The following PIP4K2A variants were observed in gnomAD, a reference collection of about 807,000 sequenced individuals.
PIP4K2A encodes phosphatidylinositol 5-phosphate 4-kinase type-2 alpha.
Under a neutral mutation model 42.9 loss-of-function variants are expected in PIP4K2A, and 14 were observed. The observed-to-expected ratio is 0.33, with a 90% CI of 0.22 to 0.51. The LOEUF (loss-of-function observed/expected upper bound fraction) is 0.51, where lower values mean the gene tolerates loss of function less well. PIP4K2A is among the 20% of genes least tolerant of loss of function. The pLI is 0.97. For synonymous variants in PIP4K2A, 192 were observed against 192.2 expected (o/e 1.00, Z 0.01); for missense variants, 434 against 519.8 (o/e 0.83, Z 1.61).
chr10:22,586,163 A>G (rs1277729174), intron 4 of PIP4K2A, among the ~76,000 whole-genome samples: 2 of 152,234 alleles, frequency 1.3e-5, no homozygotes, highest in Non-Finnish European at 1.5e-5. Context: ...TATTTTCCCA[A>G]CTACAAGAGA....
At chr10:22,619,274 G>C (rs1838256615) in intron 1 of PIP4K2A, among the ~76,000 whole-genome samples, 2 of 152,118 alleles carry the variant, frequency 1.3e-5, no homozygotes, top group South Asian at 4.1e-4. Context: ...CAATTTGAAA[G>C]TTCTGAGGTT....
chr10:22,607,145 C>T (rs1048323476), intron 3 of PIP4K2A, among the ~76,000 whole-genome samples: 1 of 152,106 alleles, frequency 6.6e-6, no homozygotes, highest in African/African-American at 2.4e-5. Flanking sequence ...CCTTGGATTT[C>T]CACTTTTAAA....
At chr10:22,565,128 T>TGG (rs1301410890) in intron 6 of PIP4K2A, among the ~76,000 whole-genome samples, 1 of 152,198 alleles carries the variant, frequency 6.6e-6, no homozygotes, top group Non-Finnish European at 1.5e-5. Flanking sequence ...GTTCTAGACA[T>TGG]GCTTCTCTTC....
chr10:22,579,673 G>T (rs1236151101), intron 4 of PIP4K2A, among the ~76,000 whole-genome samples: 1 of 152,030 alleles, frequency 6.6e-6, no homozygotes, highest in Non-Finnish European at 1.5e-5. Context: ...TGGGAGGCAG[G>T]GGAGGGTGGA....
At chr10:22,687,827 T>C (rs1391925935) in intron 1 of PIP4K2A, among the ~76,000 whole-genome samples, 1 of 152,244 alleles carries the variant, frequency 6.6e-6, no homozygotes, top group African/African-American at 2.4e-5. Flanking sequence ...TACATTATTA[T>C]TTGTTTTTCT....
chr10:22,678,140 T>A (rs898975400), intron 1 of PIP4K2A, among the ~76,000 whole-genome samples: 1 of 150,234 alleles, frequency 6.7e-6, no homozygotes, highest in Admixed American at 6.6e-5. Flanking sequence ...TGCTGGACTT[T>A]AAAAAAAAAA....
intron 1 of PIP4K2A, among the ~76,000 whole-genome samples, chr10:22,706,084 G>A (rs1275542024): frequency 6.6e-6 from 1 of 151,926 alleles, no homozygotes; most frequent in Admixed American, 6.6e-5. Context: ...AATACGATGG[G>A]GAAAACTGCC....
In PIP4K2A at chr10:22,627,630, A is replaced by AAAAAAAG. The variant is rs1346625282; in HGVS notation, c.145-17914_145-17913insCTTTTTT. Among the ~76,000 whole-genome samples the AAAAAAAG allele has an allele frequency of 2.1e-4, 25 of 118,168 alleles. 1 individual carries two copies. The highest frequency in any genetic ancestry group is 4.4e-4 in the Non-Finnish European group (24 of 55,164). 77.5% of individuals were successfully genotyped at this position (118,168 alleles called of 152,430 possible). On this transcript the variant is annotated intron_variant, in intron 1 of 9. Coordinates refer to ENST00000376573, the MANE Select transcript of PIP4K2A (RefSeq NM_005028.5). ...AAAAAAAAAAAAAAAAAAAAAAAAAAAGATAAGGAAAGCCACTGGCTGTGG... is the reference window on the plus strand; with the variant it reads ...AAAAAAAAAAAAAAAAAAAAAAAAAAAAAAAAGAGATAAGGAAAGCCACTGGCTGTGG...
chr10:22,688,484 C>T (rs1423074367), intron 1 of PIP4K2A, among the ~76,000 whole-genome samples: 1 of 152,168 alleles, frequency 6.6e-6, no homozygotes. Flanking sequence ...ACAGGGTCTT[C>T]CTCTGTCGCC....
intron 1 of PIP4K2A, among the ~76,000 whole-genome samples, chr10:22,635,411 TA>T (rs529725756): frequency 4.6e-5 from 7 of 152,032 alleles, no homozygotes; most frequent in South Asian, 2.1e-4. Flanking sequence ...AAAACTTCTG[TA>T]AAAAAATAAT....
intron 1 of PIP4K2A, among the ~76,000 whole-genome samples, chr10:22,619,691 C>T (rs1330296899): frequency 6.6e-6 from 1 of 152,148 alleles, no homozygotes; most frequent in African/African-American, 2.4e-5. Flanking sequence ...CCCGCGTTGG[C>T]CTCCCAAAGT....
At chr10:22,547,273 C>G (rs1038001623) in intron 7 of PIP4K2A, among the ~76,000 whole-genome samples, 1 of 152,314 alleles carries the variant, frequency 6.6e-6, no homozygotes, top group South Asian at 2.1e-4. Flanking sequence ...AATCCTCCTT[C>G]GAAGCAATTA....
At chr10:22,580,448 G>T (rs1343303394) in intron 4 of PIP4K2A, among the ~76,000 whole-genome samples, 2 of 151,982 alleles carry the variant, frequency 1.3e-5, no homozygotes, top group Non-Finnish European at 2.9e-5. Context: ...CCAGGAGTTT[G>T]AGATCAACCT....
chr10:22,614,474 T>C (rs1317696285), intron 1 of PIP4K2A, among the ~76,000 whole-genome samples: 1 of 152,204 alleles, frequency 6.6e-6, no homozygotes, highest in Admixed American at 6.5e-5. Flanking sequence ...TTCTTTACAT[T>C]TGCATCACAT....
chr10:22,557,037 G>A (rs992519105), intron 6 of PIP4K2A, among the ~76,000 whole-genome samples: 4 of 152,120 alleles, frequency 2.6e-5, no homozygotes, highest in East Asian at 3.9e-4. Context: ...ACCAACACAC[G>A]CGTAAGGCTT....
chr10:22,702,331 T>TGGTA (rs1160365694), intron 1 of PIP4K2A, among the ~76,000 whole-genome samples: 1 of 152,254 alleles, frequency 6.6e-6, no homozygotes, highest in African/African-American at 2.4e-5. Context: ...ATTTAACTTA[T>TGGTA]GGTACACTTC....
intron 1 of PIP4K2A, among the ~76,000 whole-genome samples, chr10:22,712,913 GGTGTGTGTGT>G (rs35439666): frequency 2.0e-5 from 3 of 147,602 alleles, no homozygotes; most frequent in Admixed American, 6.8e-5. Flanking sequence ...CTACATTGAG[GGTGTGTGTGT>G]GTGTGTGTGT....
intron 4 of PIP4K2A, among the ~76,000 whole-genome samples, chr10:22,579,895 C>T (rs973053618): frequency 1.3e-5 from 2 of 149,660 alleles, no homozygotes; most frequent in African/African-American, 2.5e-5. Flanking sequence ...GGTGATAGAA[C>T]GAGACTTCGT....
chr10:22,656,577 C>A (rs1338861718), intron 1 of PIP4K2A, among the ~76,000 whole-genome samples: 1 of 152,058 alleles, frequency 6.6e-6, no homozygotes, highest in African/African-American at 2.4e-5. Flanking sequence ...GAGGCTGAGG[C>A]GGGTGGATCA....
Sources: allele counts gnomAD v4.1 joint callset (sites outside exome capture counted in the v4.1 genomes callset), GRCh38; gene constraint gnomAD v4.1.1; transcripts MANE v1.5; gene names NCBI Gene and HGNC (gene_info 2026-07-23, HGNC 2026-07-21).